CDADC1: variants seen among roughly 807,000 people sequenced by gnomAD.
CDADC1 encodes cytidine and dCMP deaminase domain containing 1, also known as dCTP deaminase.
Under a neutral mutation model 54.9 loss-of-function variants are expected in CDADC1, and 39 were observed. The observed-to-expected ratio is 0.71, with a 90% CI of 0.55 to 0.93. CDADC1 has a LOEUF of 0.93. CDADC1 is among the 40% of genes least tolerant of loss of function. The pLI is 0.00. For missense variants in CDADC1, 518 were observed against 618.8 expected (o/e 0.84, Z 1.73); for synonymous variants, 186 against 204.0 (o/e 0.91, Z 0.75).
chr13:49,291,741 G>T lies in CDADC1; in HGVS notation c.1529G>T (p.Arg510Leu), dbSNP rs138113262. ...GAGCAGCACCAGGACAAGAAGCTGCGCCTCGGAATCCACTAAGAAGGCCTG... is the reference window on the plus strand; with the variant it reads ...GAGCAGCACCAGGACAAGAAGCTGCTCCTCGGAATCCACTAAGAAGGCCTG... ...KEEQHQDKKL[R>L]LGIH is the part of the protein sequence containing the mutation. Residue 510 changes from arginine (R) to leucine (L), a missense_variant, in exon 10 of 10, where the codon CGC becomes CTC. Arg to Leu is a moderately radical substitution (Grantham distance 102). Transcript: ENST00000251108. 4 of 1,613,996 alleles carry T rather than the reference G, an allele frequency of 2.5e-6. 1 individual carries two copies. In the South Asian group the frequency reaches 3.3e-5, roughly 13 times the overall value.
Position 49,280,699 on chromosome 13 carries a change from G to GT in CDADC1, c.1410+2dup. ...GCTTGAAGGTGTTAGCAAATTTACG[G>GT]TAAGTAGATACACATTTTTTTCAGG... On this transcript the variant is annotated splice_donor_variant, in intron 8 of 9. Coordinates refer to ENST00000251108, the MANE Select transcript of CDADC1 (RefSeq NM_030911.4). LOFTEE classifies it high-confidence loss of function. 1 of 1,563,770 alleles carries GT rather than the reference G, an allele frequency of 6.4e-7. No individual in the cohort carries two copies. The highest frequency in any genetic ancestry group is 8.6e-7 in the Non-Finnish European group (1 of 1,157,046).
chr13:49,267,972 C>G lies in CDADC1; in HGVS notation c.913C>G (p.Gln305Glu), dbSNP rs774704782. The change falls in exon 5 of 10, where the codon CAG becomes GAG. Residue 305 changes from glutamine (Q) to glutamate (E), a missense_variant. Transcript: ENST00000251108. Reference sequence around the variant, plus strand: ...CGGATTTTACCGTAGCAATCCAGAACAGATTAATGAAATTCACAATCAAAG... The same window carrying G: ...CGGATTTTACCGTAGCAATCCAGAAGAGATTAATGAAATTCACAATCAAAG... ...HFGFYRSNPE[Q>E]INEIHNQSLP... The G allele has an allele frequency of 1.2e-5, 19 of 1,613,976 alleles. No homozygotes were observed. Among genetic ancestry groups the G allele is most frequent in the Non-Finnish European group, 1.5e-5 (18 of 1,180,016 alleles).
rs373324652 is a variant in CDADC1, at chr13:49,272,898, T to C, written c.1001-1393T>C. On this transcript the variant is annotated intron_variant, in intron 5 of 9. Coordinates refer to ENST00000251108, the MANE Select transcript of CDADC1 (RefSeq NM_030911.4). ...TGTCAAGGAATTCTTTATGTCACGG[T>C]GCAAGGTGGAGGAAAGGCCAAGCAG... 5.9e-5 allele frequency among the ~76,000 whole-genome samples: 9 copies of C among 152,210 alleles called. No individual in the cohort carries two copies. In the East Asian group the frequency reaches 1.2e-3, roughly 20 times the overall value.
At chr13:49,273,431 G>A (rs1953022464) in intron 5 of CDADC1, among the ~76,000 whole-genome samples, 1 of 152,160 alleles carries the variant, frequency 6.6e-6, no homozygotes, top group Non-Finnish European at 1.5e-5. Context: ...AGTGTAATTT[G>A]TCTTAGAAAT....
In CDADC1 at chr13:49,247,986, T is replaced by C. The variant is rs1040129268; in HGVS notation, c.-52T>C. 2.4e-5 allele frequency: 36 copies of C among 1,505,222 alleles called. No individual in the cohort carries two copies. Among genetic ancestry groups the C allele is most frequent in the Non-Finnish European group, 2.7e-5 (30 of 1,105,486 alleles). 93.2% of individuals were successfully genotyped at this position (1,505,222 alleles called of 1,614,324 possible). On this transcript the variant is annotated 5_prime_UTR_variant, in exon 1 of 10. Coordinates refer to ENST00000251108, the MANE Select transcript of CDADC1 (RefSeq NM_030911.4). ...AGAGGCGGGGGCGCTAGGGCCGAGA[T>C]CATGTCTGACTGGGAGAGGTTTCCT...
rs1329988339 is a variant in CDADC1, at chr13:49,255,913, G to A, written c.252G>A (p.Gln84=). 1.2e-6 allele frequency: 2 copies of A among 1,609,830 alleles called. No individual in the cohort carries two copies. The highest frequency in any genetic ancestry group is 8.5e-7 in the Non-Finnish European group (1 of 1,178,606). ...CCAGAGTATCTACTGACAAAAGACA[G>A]GTAAATTTTTATGATTTCACATATA... ...ERTRVSTDKR[Q]VKRTGLVVVK... Residue 84 remains glutamine, a splice_region_variant and synonymous_variant, in exon 3 of 10, where the codon CAG becomes CAA. Transcript: ENST00000251108.
chr13:49,248,218 C>T, intron 1 of CDADC1, 99 bp downstream of exon 1: 2 of 1,083,318 alleles, frequency 1.8e-6, no homozygotes, highest in Non-Finnish European at 2.7e-6. Context: ...GCCTCTTTGC[C>T]TCCCCTGCTG....
At chr13:49,288,551 A>G (rs1363763015) in intron 9 of CDADC1, among the ~76,000 whole-genome samples, 1 of 152,264 alleles carries the variant, frequency 6.6e-6, no homozygotes, top group Admixed American at 6.5e-5. Flanking sequence ...ATGGAATCAT[A>G]CAGTATGTAA....
chr13:49,285,709 G>A (rs1362953064), intron 8 of CDADC1, among the ~76,000 whole-genome samples: 21 of 152,140 alleles, frequency 1.4e-4, no homozygotes. Flanking sequence ...TTCTCTAAGA[G>A]TATTGATTCG....
chr13:49,261,617 G>A lies in CDADC1; in HGVS notation c.430+2094G>A, dbSNP rs549181828. On this transcript the variant is annotated intron_variant, in intron 4 of 9. Coordinates refer to ENST00000251108, the MANE Select transcript of CDADC1 (RefSeq NM_030911.4). ...TTAGTAGACTATTGCATTAGGCAAG[G>A]TCCAAATAGGGTTCAGATGATGACA... Among the ~76,000 whole-genome samples the A allele has an allele frequency of 4.1e-4, 63 of 152,360 alleles. 2 individuals are homozygous for A. The South Asian group carries it at 6.4e-3, about 16-fold the overall frequency.
At position 49,292,798 on chromosome 13, in the gene CDADC1, G is replaced by A; in HGVS notation, c.*1041G>A. On this transcript the variant is annotated 3_prime_UTR_variant, in exon 10 of 10. Coordinates refer to ENST00000251108, the MANE Select transcript of CDADC1 (RefSeq NM_030911.4). ...CCTAGGTTAGAGAGGGGTGGCCTGG[G>A]GTGCTTCATGAGAAATGTCTTCCTG... 1 of 1,279,848 alleles carries A rather than the reference G, an allele frequency of 7.8e-7. No homozygotes were observed. The highest frequency in any genetic ancestry group is 1.0e-6 in the Non-Finnish European group (1 of 984,490). The allele number at this position is 1,279,848 out of a possible 1,614,324, so 79.3% of individuals were successfully genotyped here. A position where few individuals can be genotyped will look rare whatever the true frequency, so the allele number is the denominator to read the frequency against.
intron 7 of CDADC1, 130 bp from the exon 8 acceptor site, chr13:49,280,379 G>C (rs2407608): frequency 0.3 from 128,014 of 425,616 alleles, 19,903 homozygotes; most frequent in East Asian, 0.47. Flanking sequence ...TCTAAGGCTT[G>C]ATGATCATTA....
intron 5 of CDADC1, among the ~76,000 whole-genome samples, chr13:49,273,240 A>G (rs1228341675): frequency 6.6e-6 from 1 of 152,202 alleles, no homozygotes; most frequent in East Asian, 1.9e-4. Flanking sequence ...AAATGTTATC[A>G]TTGGAGGGAT....
In CDADC1 at chr13:49,247,981, C is replaced by A. The variant is rs112120261; in HGVS notation, c.-57C>A. 1.5e-5 allele frequency: 22 copies of A among 1,484,598 alleles called. No individual in the cohort carries two copies. In the East Asian group the frequency reaches 4.7e-4, roughly 32 times the overall value. The allele number at this position is 1,484,598 out of a possible 1,614,324, so 92.0% of individuals were successfully genotyped here. ...AGGCGAGAGGCGGGGGCGCTAGGGC[C>A]GAGATCATGTCTGACTGGGAGAGGT... is the stretch of plus-strand genomic sequence containing the variant. On this transcript the variant is annotated 5_prime_UTR_variant, in exon 1 of 10. Transcript: ENST00000251108.
intron 9 of CDADC1, among the ~76,000 whole-genome samples, chr13:49,290,200 C>T (rs558824500): frequency 9.9e-5 from 15 of 151,862 alleles, no homozygotes; most frequent in African/African-American, 2.4e-4. Context: ...AGAGAGGGAG[C>T]GCACGGGAAT....
intron 9 of CDADC1, among the ~76,000 whole-genome samples, chr13:49,290,558 A>T (rs768786589): frequency 2.6e-5 from 4 of 152,210 alleles, no homozygotes; most frequent in Non-Finnish European, 5.9e-5. Flanking sequence ...GCAGGGCAGA[A>T]CATACAGGCT....
Position 49,277,203 on chromosome 13 carries a change from G to T in CDADC1, c.1051-1147G>T, listed in dbSNP as rs546379666. Among the ~76,000 whole-genome samples the T allele has an allele frequency of 5.9e-5, 9 of 151,640 alleles. No individual in the cohort carries two copies. In the South Asian group the frequency reaches 1.9e-3, roughly 32 times the overall value. On this transcript the variant is annotated intron_variant, in intron 6 of 9. Coordinates refer to ENST00000251108, the MANE Select transcript of CDADC1 (RefSeq NM_030911.4). ...AAAACTCAGTATGGCTGGGTGCAGTGGCTCATGCCTGTAATCCAGCACTTT... is the reference window on the plus strand; with the variant it reads ...AAAACTCAGTATGGCTGGGTGCAGTTGCTCATGCCTGTAATCCAGCACTTT...
At position 49,289,419 on chromosome 13, in the gene CDADC1, C is replaced by T. The variant is rs146895637; in HGVS notation, c.1472-2265C>T. Among the ~76,000 whole-genome samples, 19 of 152,214 alleles carry T rather than the reference C, an allele frequency of 1.2e-4. 1 individual carries two copies. Among genetic ancestry groups the T allele is most frequent in the Admixed American group, 6.5e-4 (10 of 15,290 alleles). On this transcript the variant is annotated intron_variant, in intron 9 of 9. Transcript: ENST00000251108. Reference sequence around the variant, plus strand: ...CTGGGATTACCGGCATGAGCCACCACGCCTGGCCTGAAATAGCATTTTTTA... The same window carrying T: ...CTGGGATTACCGGCATGAGCCACCATGCCTGGCCTGAAATAGCATTTTTTA...
intron 4 of CDADC1, among the ~76,000 whole-genome samples, chr13:49,261,439 T>G (rs942043824): frequency 6.6e-6 from 1 of 152,186 alleles, no homozygotes; most frequent in Non-Finnish European, 1.5e-5. Flanking sequence ...GGACATGCAT[T>G]TCATCACTCA....
Sources: allele counts gnomAD v4.1 joint callset (sites outside exome capture counted in the v4.1 genomes callset), GRCh38; gene constraint gnomAD v4.1.1; transcripts MANE v1.5; gene names NCBI Gene and HGNC (gene_info 2026-07-23, HGNC 2026-07-21).